Variants in SNTB1 observed in about 807,000 individuals in gnomAD.
The protein encoded by SNTB1 is beta-1-syntrophin.
Under a neutral mutation model 48.9 loss-of-function variants are expected in SNTB1, and 36 were observed. The observed-to-expected ratio is 0.74, with a 90% CI of 0.56 to 0.97. The LOEUF (loss-of-function observed/expected upper bound fraction) is 0.97, where lower values mean the gene tolerates loss of function less well. Among genes scored for constraint, SNTB1 ranks in the 50% least tolerant of loss-of-function variants. The pLI is 0.00. For missense variants in SNTB1, 786 were observed against 703.4 expected (o/e 1.12, Z -1.33); for synonymous variants, 299 against 294.6 (o/e 1.01, Z -0.15).
At chr8:120,619,306 T>C (rs915319001) in intron 3 of SNTB1, among the ~76,000 whole-genome samples, 1 of 147,534 alleles carries the variant, frequency 6.8e-6, no homozygotes, top group Non-Finnish European at 1.5e-5. Context: ...TACATATATA[T>C]ATATAGAGAG....
intron 3 of SNTB1, among the ~76,000 whole-genome samples, chr8:120,603,661 C>T (rs1329192358): frequency 7.9e-5 from 12 of 152,148 alleles, no homozygotes; most frequent in Non-Finnish European, 4.4e-5. Context: ...GTTGAAACAA[C>T]ACTGATCTGT....
intron 2 of SNTB1, among the ~76,000 whole-genome samples, chr8:120,674,285 A>C (rs1487069317): frequency 2.0e-5 from 3 of 152,176 alleles, no homozygotes; most frequent in Non-Finnish European, 4.4e-5. Context: ...TCCACTCATC[A>C]GTTCATCCAG....
intron 1 of SNTB1, among the ~76,000 whole-genome samples, chr8:120,698,247 CT>C (rs1314282779): frequency 1.3e-5 from 2 of 152,064 alleles, no homozygotes; most frequent in Non-Finnish European, 2.9e-5. Flanking sequence ...CTTCTGAGAG[CT>C]TTAGATATCA....
At chr8:120,665,510 C>A (rs1198258934) in intron 2 of SNTB1, among the ~76,000 whole-genome samples, 3 of 152,100 alleles carry the variant, frequency 2.0e-5, no homozygotes, top group Non-Finnish European at 2.9e-5. Flanking sequence ...TCAATACACA[C>A]TTAGCAAATA....
chr8:120,721,937 G>A (rs1818667626), intron 1 of SNTB1, among the ~76,000 whole-genome samples: 1 of 136,814 alleles, frequency 7.3e-6, no homozygotes, highest in Admixed American at 8.4e-5. Flanking sequence ...CCCACCCTGT[G>A]ACCAAGTGTT....
Position 120,536,428 on chromosome 8 carries a change from CAT to C in SNTB1, c.*2447_*2448del, listed in dbSNP as rs1270189071. ...ATGATCCAGACTTATGAGTTTGTGT[CAT>C]ACACACCAGCACACATCAGACAAGA... is the stretch of plus-strand genomic sequence containing the variant. On this transcript the variant is annotated 3_prime_UTR_variant, in exon 7 of 7. Coordinates refer to ENST00000517992, the MANE Select transcript of SNTB1 (RefSeq NM_021021.4). 6 of 152,142 alleles carry C rather than the reference CAT, an allele frequency of 3.9e-5. No homozygotes were observed. Among genetic ancestry groups the C allele is most frequent in the African/African-American group, 1.2e-4 (5 of 41,440 alleles). 9.4% of individuals were successfully genotyped at this position (152,142 alleles called of 1,614,324 possible). A position where few individuals can be genotyped will look rare whatever the true frequency, so the allele number is the denominator to read the frequency against.
chr8:120,626,612 G>A (rs1387587957), intron 3 of SNTB1, among the ~76,000 whole-genome samples: 1 of 151,972 alleles, frequency 6.6e-6, no homozygotes, highest in African/African-American at 2.4e-5. Context: ...TTATAATATA[G>A]AACAAGCTTT....
intron 3 of SNTB1, among the ~76,000 whole-genome samples, chr8:120,590,251 C>G (rs1255194679): frequency 6.6e-6 from 1 of 152,228 alleles, no homozygotes; most frequent in Admixed American, 6.5e-5. Context: ...CTCTCTCTCA[C>G]TTTACTTTTC....
In SNTB1 at chr8:120,548,760, A is replaced by T. The variant is rs752499760; in HGVS notation, c.1333+2T>A. On this transcript the variant is annotated splice_donor_variant, in intron 5 of 6. Transcript: ENST00000517992. LOFTEE classifies it high-confidence loss of function. The stretch of plus-strand genomic sequence containing the variant: ...TCCTTGGTAGCTCACTGCAGTACTC[A>T]CCAGTGCTGATTTCAGCAATGAGTT... The T allele has an allele frequency of 6.2e-7, 1 of 1,612,944 alleles. No homozygotes were observed.
chr8:120,667,365 G>A (rs1817689577), intron 2 of SNTB1, among the ~76,000 whole-genome samples: 1 of 152,122 alleles, frequency 6.6e-6, no homozygotes, highest in South Asian at 2.1e-4. Context: ...TGGTTTTGTG[G>A]TCGTGGAAAT....
intron 1 of SNTB1, among the ~76,000 whole-genome samples, chr8:120,717,447 T>G (rs937752105): frequency 6.6e-6 from 1 of 152,202 alleles, no homozygotes; most frequent in Admixed American, 6.5e-5. Context: ...CTAGGGAATG[T>G]GACAAAAACT....
At chr8:120,810,650 C>T (rs963716438) in intron 1 of SNTB1, among the ~76,000 whole-genome samples, 5 of 152,164 alleles carry the variant, frequency 3.3e-5, no homozygotes, top group African/African-American at 4.8e-5. Flanking sequence ...ACATATTCCC[C>T]GGCCCCTGAC....
intron 3 of SNTB1, among the ~76,000 whole-genome samples, chr8:120,617,932 G>A (rs6988232): frequency 0.17 from 25,939 of 152,090 alleles, 3,069 homozygotes; most frequent in East Asian, 0.62. Flanking sequence ...ACGAGTGAAG[G>A]TACAACTGCC....
chr8:120,574,989 C>T, intron 4 of SNTB1, 97 bp downstream of exon 4: 1 of 1,475,166 alleles, frequency 6.8e-7, no homozygotes, highest in Non-Finnish European at 9.4e-7. Context: ...GCCCCTGCTG[C>T]AATAGTGAGC....
At chr8:120,594,838 T>C (rs1816297744) in intron 3 of SNTB1, among the ~76,000 whole-genome samples, 1 of 151,996 alleles carries the variant, frequency 6.6e-6, no homozygotes, top group Non-Finnish European at 1.5e-5. Context: ...GGAATACTGT[T>C]TGATAGGTAT....
At chr8:120,560,418 G>A (rs1194858459) in intron 4 of SNTB1, among the ~76,000 whole-genome samples, 3 of 152,206 alleles carry the variant, frequency 2.0e-5, no homozygotes, top group Admixed American at 2.0e-4. Context: ...TGGAGGCAGA[G>A]GTTGCAGTGA....
intron 3 of SNTB1, among the ~76,000 whole-genome samples, chr8:120,625,750 T>C (rs1375404318): frequency 6.6e-6 from 1 of 152,194 alleles, no homozygotes; most frequent in African/African-American, 2.4e-5. Context: ...TAGCACTTAA[T>C]TGCATTAACA....
At chr8:120,677,063 C>A (rs1454994846) in intron 2 of SNTB1, among the ~76,000 whole-genome samples, 131 of 129,658 alleles carry the variant, frequency 1.0e-3, no homozygotes, top group Admixed American at 1.7e-3. Flanking sequence ...GACCCTATCT[C>A]AAAAAAAAAA....
intron 2 of SNTB1, among the ~76,000 whole-genome samples, chr8:120,672,716 T>C (rs1211874042): frequency 6.6e-6 from 1 of 152,220 alleles, no homozygotes; most frequent in African/African-American, 2.4e-5. Flanking sequence ...TTCAGTGTAA[T>C]ATTTATTGAG....
Sources: allele counts gnomAD v4.1 joint callset (sites outside exome capture counted in the v4.1 genomes callset), GRCh38; gene constraint gnomAD v4.1.1; transcripts MANE v1.5; gene names NCBI Gene and HGNC (gene_info 2026-07-23, HGNC 2026-07-21).